The following APBA2 variants were observed in gnomAD, a reference collection of about 807,000 sequenced individuals.
The protein encoded by APBA2 is amyloid-beta A4 precursor protein-binding family A member 2.
APBA2 carries 30 observed loss-of-function variants against 75.0 expected under a neutral mutation model. The ratio of observed to expected loss-of-function variants is 0.40; its 90% confidence interval spans 0.30 to 0.54. APBA2 has a LOEUF of 0.54. Among genes scored for constraint, APBA2 ranks in the 20% least tolerant of loss-of-function variants. APBA2 has a pLI of 0.49. For missense variants in APBA2, 801 were observed against 1,016.1 expected, an observed-to-expected ratio of 0.79 and a Z score of 2.88; for synonymous variants, 444 against 409.6, an observed-to-expected ratio of 1.08 and a Z score of -1.01.
rs369060137 is a variant in APBA2 at position 29,079,806 on chromosome 15, A to G, written c.1069+3715A>G. ...CAGCTTATGCCTTATTTCATATCAG[A>G]TAATTGTTGATAATAATGAAAAAAA... On this transcript the variant is annotated intron_variant, in intron 6 of 14. Coordinates refer to ENST00000683413, the MANE Select transcript of APBA2 (RefSeq NM_001353788.2). Among the ~76,000 whole-genome samples the G allele has an allele frequency of 2.3e-4, 35 of 152,300 alleles. No homozygotes were observed. The South Asian group carries it at 6.4e-3, about 28-fold the overall frequency.
At chr15:28,969,471 C>T (rs1434883125) in intron 2 of APBA2, among the ~76,000 whole-genome samples, 1 of 152,088 alleles carries the variant, frequency 6.6e-6, no homozygotes, top group Non-Finnish European at 1.5e-5. Context: ...TGAGCCACTG[C>T]ACCGGGCCTT....
chr15:29,082,906 C>G (rs2043141979), intron 6 of APBA2, among the ~76,000 whole-genome samples: 2 of 151,902 alleles, frequency 1.3e-5, no homozygotes, highest in South Asian at 4.2e-4. Flanking sequence ...ACTAACAGTA[C>G]AAAAAATAAA....
intron 3 of APBA2, among the ~76,000 whole-genome samples, chr15:29,021,775 T>C (rs556796873): frequency 6.6e-6 from 1 of 152,092 alleles, no homozygotes; most frequent in Non-Finnish European, 1.5e-5. Context: ...GCTGATACCG[T>C]GTACCCTCGG....
intron 1 of APBA2, among the ~76,000 whole-genome samples, chr15:28,890,319 G>C (rs1398337010): frequency 1.3e-5 from 2 of 152,212 alleles, no homozygotes; most frequent in Non-Finnish European, 2.9e-5. Context: ...ATTTTCAGTT[G>C]TTTGGGTTCT....
intron 3 of APBA2, among the ~76,000 whole-genome samples, chr15:29,050,968 G>C (rs1162935398): frequency 1.6e-5 from 2 of 126,744 alleles, no homozygotes; most frequent in Admixed American, 7.0e-5. Context: ...TCTGCCCTTT[G>C]CCGTCCTGAC....
At chr15:28,960,894 G>C (rs1177620899) in intron 2 of APBA2, among the ~76,000 whole-genome samples, 4 of 151,864 alleles carry the variant, frequency 2.6e-5, no homozygotes, top group Non-Finnish European at 4.4e-5. Flanking sequence ...CGAGTAGCTG[G>C]GATTACAGGC....
chr15:29,075,941 T>G, intron 5 of APBA2, 114 bp from the exon 6 acceptor site: 1 of 917,846 alleles, frequency 1.1e-6, no homozygotes, highest in Non-Finnish European at 1.8e-6. Context: ...CCATCACTCA[T>G]GGGGGGTTTG....
intron 2 of APBA2, among the ~76,000 whole-genome samples, chr15:28,928,096 A>G (rs912185427): frequency 2.0e-5 from 3 of 149,774 alleles, no homozygotes; most frequent in African/African-American, 7.4e-5. Context: ...GTGAGCCGAG[A>G]TCACTCCACT....
intron 2 of APBA2, among the ~76,000 whole-genome samples, chr15:28,989,060 A>G (rs949786900): frequency 5.7e-4 from 86 of 152,212 alleles, no homozygotes; most frequent in African/African-American, 1.8e-3. Flanking sequence ...ACATCTTTCC[A>G]TGTATCTATT....
chr15:29,041,954 A>G (rs2041068789), intron 3 of APBA2, among the ~76,000 whole-genome samples: 1 of 152,206 alleles, frequency 6.6e-6, no homozygotes, highest in African/African-American at 2.4e-5. Flanking sequence ...TGCTGTAAGA[A>G]GTCCACAGAC....
At chr15:29,109,512 C>A (rs1269248824) in intron 13 of APBA2, among the ~76,000 whole-genome samples, 2 of 152,198 alleles carry the variant, frequency 1.3e-5, no homozygotes, top group Non-Finnish European at 2.9e-5. Context: ...GCTTTGGCAG[C>A]CCCCACTGGG....
At chr15:28,989,917 A>G (rs57911114) in intron 2 of APBA2, among the ~76,000 whole-genome samples, 13,471 of 152,218 alleles carry the variant, frequency 0.088, 790 homozygotes, top group East Asian at 0.27. Flanking sequence ...CCTCAGTGTC[A>G]CACTGTTCCC....
chr15:29,102,147 T>C (rs1271854820), intron 10 of APBA2: 1 of 388,604 alleles, frequency 2.6e-6, no homozygotes, highest in African/African-American at 2.1e-5. Flanking sequence ...GCATGCTGTA[T>C]AAAGAAAGCA....
At chr15:29,093,246 C>T (rs367886800) in intron 7 of APBA2, 26 bp downstream of exon 7, 27 of 1,613,142 alleles carry the variant, frequency 1.7e-5, no homozygotes, top group South Asian at 3.3e-5. Context: ...GGGCCCCTCG[C>T]GGATGCCCGC....
chr15:29,087,794 T>C (rs1021063898), intron 6 of APBA2, among the ~76,000 whole-genome samples: 1 of 152,148 alleles, frequency 6.6e-6, no homozygotes, highest in Non-Finnish European at 1.5e-5. Context: ...GCTGATCTGG[T>C]GGCTCGCCTC....
intron 3 of APBA2, among the ~76,000 whole-genome samples, chr15:29,015,186 C>T (rs1174468203): frequency 6.6e-6 from 1 of 152,164 alleles, no homozygotes; most frequent in Non-Finnish European, 1.5e-5. Context: ...CTTGGCCCAG[C>T]ATACCTGTTT....
intron 3 of APBA2, among the ~76,000 whole-genome samples, chr15:29,051,551 T>C (rs1262847489): frequency 6.6e-6 from 1 of 152,174 alleles, no homozygotes; most frequent in Non-Finnish European, 1.5e-5. Context: ...CCATCAGTAA[T>C]TGTGCCCACA....
At chr15:28,962,466 G>A (rs1431511975) in intron 2 of APBA2, among the ~76,000 whole-genome samples, 6 of 152,136 alleles carry the variant, frequency 3.9e-5, no homozygotes, top group African/African-American at 1.4e-4. Context: ...CTACTCAGGA[G>A]GCTGAGGCAG....
intron 2 of APBA2, among the ~76,000 whole-genome samples, chr15:28,972,002 T>C (rs2037094352): frequency 6.6e-6 from 1 of 152,116 alleles, no homozygotes; most frequent in South Asian, 2.1e-4. Flanking sequence ...AAAAACACCA[T>C]GAGCCAGCTC....
Sources: allele counts gnomAD v4.1 joint callset (sites outside exome capture counted in the v4.1 genomes callset), GRCh38; gene constraint gnomAD v4.1.1; transcripts MANE v1.5; gene names NCBI Gene and HGNC (gene_info 2026-07-23, HGNC 2026-07-21).